Variants in MAPK10 observed in about 807,000 individuals in gnomAD.
The protein encoded by MAPK10 is JNK3 alpha protein kinase.
MAPK10 carries 25 observed loss-of-function variants against 59.3 expected under a neutral mutation model. The observed-to-expected ratio is 0.42, with a 90% CI of 0.31 to 0.59. MAPK10 has a LOEUF of 0.59. MAPK10 is among the 20% of genes least tolerant of loss of function. The pLI, the probability that MAPK10 is intolerant of heterozygous loss-of-function variation, is 0.15. For missense variants in MAPK10, 351 were observed against 568.9 expected (o/e 0.62, Z 3.90); for synonymous variants, 190 against 200.5 (o/e 0.95, Z 0.44).
At chr4:86,043,957 A>C (rs1016875261) in intron 11 of MAPK10, among the ~76,000 whole-genome samples, 3 of 152,182 alleles carry the variant, frequency 2.0e-5, no homozygotes, top group African/African-American at 7.2e-5. Context: ...AACTGAATAC[A>C]ATGTCTGTGT....
At chr4:86,347,824 C>T (rs1729082971) in intron 2 of MAPK10, among the ~76,000 whole-genome samples, 1 of 152,090 alleles carries the variant, frequency 6.6e-6, no homozygotes, top group African/African-American at 2.4e-5. Flanking sequence ...TCTCAAAGGC[C>T]CCATCTCCTA....
chr4:86,278,408 C>T (rs1416969531), intron 2 of MAPK10, among the ~76,000 whole-genome samples: 1 of 152,090 alleles, frequency 6.6e-6, no homozygotes, highest in Non-Finnish European at 1.5e-5. Context: ...TTATACATCA[C>T]AGGGAACGTT....
chr4:86,033,094 C>A (rs963372057), intron 11 of MAPK10, among the ~76,000 whole-genome samples: 10 of 152,204 alleles, frequency 6.6e-5, no homozygotes, highest in African/African-American at 2.4e-4. Context: ...TAGAACCTTC[C>A]ACCTCTATAA....
At chr4:86,051,286 G>A (rs1001014049) in intron 11 of MAPK10, among the ~76,000 whole-genome samples, 2 of 152,112 alleles carry the variant, frequency 1.3e-5, no homozygotes, top group African/African-American at 2.4e-5. Context: ...AAAAGGGAGT[G>A]TAACCTTTTC....
intron 1 of MAPK10, among the ~76,000 whole-genome samples, chr4:86,529,659 T>G (rs977537934): frequency 1.3e-5 from 2 of 152,160 alleles, no homozygotes; most frequent in African/African-American, 4.8e-5. Context: ...CCCCAAGAGG[T>G]TGGCTTCCTC....
At chr4:86,110,539 C>T (rs896553087) in intron 4 of MAPK10, among the ~76,000 whole-genome samples, 50 of 152,010 alleles carry the variant, frequency 3.3e-4, no homozygotes, top group African/African-American at 1.0e-3. Flanking sequence ...TGGTTGTAAA[C>T]GTGCAGTCTT....
chr4:86,198,940 T>C (rs1582612686), intron 2 of MAPK10, among the ~76,000 whole-genome samples: 2 of 151,984 alleles, frequency 1.3e-5, no homozygotes, highest in East Asian at 3.9e-4. Context: ...AAAAGAAATA[T>C]ACGAGCACTC....
At chr4:86,205,840 T>C (rs1449886348) in intron 2 of MAPK10, among the ~76,000 whole-genome samples, 1 of 152,016 alleles carries the variant, frequency 6.6e-6, no homozygotes, top group African/African-American at 2.4e-5. Flanking sequence ...AAGAGTTTTC[T>C]ATCAAAAGCA....
chr4:86,015,643 A>G lies in MAPK10; in HGVS notation c.*1585T>C, dbSNP rs879238118. ...ACTTTCATTTAATTTAATTTAAGCT[A>G]AATTCTGGAGATTTTGCTAAACATT... is the stretch of plus-strand genomic sequence containing the variant. On this transcript the variant is annotated 3_prime_UTR_variant, in exon 14 of 14. Coordinates refer to ENST00000641462, the MANE Select transcript of MAPK10 (RefSeq NM_138982.4). 2.0e-5 allele frequency: 3 copies of G among 152,206 alleles called. No individual in the cohort carries two copies. In the South Asian group the frequency reaches 6.2e-4, roughly 32 times the overall value. The allele number at this position is 152,206 out of a possible 1,614,324, so 9.4% of individuals were successfully genotyped here.
chr4:86,304,643 C>T (rs1471476267), intron 2 of MAPK10, among the ~76,000 whole-genome samples: 2 of 152,018 alleles, frequency 1.3e-5, no homozygotes, highest in Admixed American at 1.3e-4. Flanking sequence ...CCGCCCGCCT[C>T]GGCCTCCCAA....
rs1023162374 is a variant in MAPK10 at position 86,351,941 on chromosome 4, A to T, written c.-7+2589T>A. Among the ~76,000 whole-genome samples, 6 of 152,210 alleles carry T rather than the reference A, an allele frequency of 3.9e-5. No individual in the cohort carries two copies. The East Asian group carries it at 9.6e-4, about 24-fold the overall frequency. ...CGAAAATCAAATTACCAAAAAACAA[A>T]AAATGGAAAGATGCTCTTCTTCATT... On this transcript the variant is annotated intron_variant, in intron 2 of 13. Coordinates refer to ENST00000641462, the MANE Select transcript of MAPK10 (RefSeq NM_138982.4).
intron 2 of MAPK10, among the ~76,000 whole-genome samples, chr4:86,224,340 C>T (rs1330620589): frequency 6.6e-6 from 1 of 152,086 alleles, no homozygotes; most frequent in Non-Finnish European, 1.5e-5. Flanking sequence ...TTATATGAAC[C>T]TATCAGTTCT....
At chr4:86,222,418 C>T (rs918526050) in intron 2 of MAPK10, among the ~76,000 whole-genome samples, 4 of 152,242 alleles carry the variant, frequency 2.6e-5, no homozygotes, top group South Asian at 2.1e-4. Context: ...CCCAAGGTTA[C>T]TCCTCTTCCC....
At position 86,111,927 on chromosome 4, in the gene MAPK10, CT is replaced by C. The variant is rs1170816066; in HGVS notation, c.237-4576del. Among the ~76,000 whole-genome samples, 7 of 152,216 alleles carry C rather than the reference CT, an allele frequency of 4.6e-5. No homozygotes were observed. The East Asian group carries it at 1.2e-3, about 25-fold the overall frequency. On this transcript the variant is annotated intron_variant, in intron 4 of 13. Transcript: ENST00000641462. Reference sequence around the variant, plus strand: ...GTTATTGGTCTATTCAGGGATTCAGCTTCTTCCTGGTTCAGTTTGAGGAGGG... The same window carrying C: ...GTTATTGGTCTATTCAGGGATTCAGCTCTTCCTGGTTCAGTTTGAGGAGGG...
intron 11 of MAPK10, among the ~76,000 whole-genome samples, chr4:86,063,262 G>GA (rs1159735232): frequency 3.9e-5 from 6 of 152,264 alleles, no homozygotes; most frequent in Non-Finnish European, 7.4e-5. Flanking sequence ...CTCTGACATG[G>GA]AAAAACACAT....
intron 2 of MAPK10, among the ~76,000 whole-genome samples, chr4:86,277,610 CT>C (rs370077473): frequency 1.5e-4 from 23 of 152,046 alleles, no homozygotes; most frequent in Non-Finnish European, 2.4e-4. Flanking sequence ...CAGACAGTAA[CT>C]TTTTTTAAGT....
chr4:86,412,965 T>G (rs1223640781), intron 1 of MAPK10, among the ~76,000 whole-genome samples: 1 of 152,208 alleles, frequency 6.6e-6, no homozygotes, highest in Non-Finnish European at 1.5e-5. Flanking sequence ...GCTGCAATCC[T>G]TTGGAGGAGA....
At chr4:86,170,365 G>C (rs1182699423) in intron 3 of MAPK10, among the ~76,000 whole-genome samples, 1 of 152,136 alleles carries the variant, frequency 6.6e-6, no homozygotes, top group East Asian at 1.9e-4. Context: ...GATGGAGGAA[G>C]ATCTACCAAG....
chr4:86,444,792 A>C (rs935161838), intron 1 of MAPK10, among the ~76,000 whole-genome samples: 5 of 152,152 alleles, frequency 3.3e-5, no homozygotes, highest in African/African-American at 1.2e-4. Flanking sequence ...GAAGACATTC[A>C]TGCGGCCAAC....
Sources: allele counts gnomAD v4.1 joint callset (sites outside exome capture counted in the v4.1 genomes callset), GRCh38; gene constraint gnomAD v4.1.1; transcripts MANE v1.5; gene names NCBI Gene and HGNC (gene_info 2026-07-23, HGNC 2026-07-21).